The following PRR16 variants were observed in gnomAD, a reference collection of about 807,000 sequenced individuals.
The protein encoded by PRR16 is proline rich 16.
PRR16 carries 6 observed loss-of-function variants against 18.2 expected under a neutral mutation model. The ratio of observed to expected loss-of-function variants is 0.33; its 90% CI spans 0.18 to 0.65. The LOEUF is 0.65. Among genes scored for constraint, PRR16 ranks in the 30% least tolerant of loss-of-function variants. The probability of loss-of-function intolerance (pLI) is 0.74; values close to 1 mark genes in which losing one functional copy is unlikely to be tolerated. For synonymous variants in PRR16, 151 were observed against 147.8 expected, an observed-to-expected ratio of 1.02 and a Z score of -0.16; for missense variants, 412 against 376.6, an observed-to-expected ratio of 1.09 and a Z score of -0.78.
At chr5:120,761,377 T>C in the PRR16 span, among the ~76,000 whole-genome samples, 4 of 152,042 alleles carry the variant, frequency 2.6e-5, no homozygotes, top group Non-Finnish European at 5.9e-5. Flanking sequence ...CAGATAAGGA[T>C]TTGATTTTTT....
chr5:120,634,852 A>C (rs1158901839), intron 1 of PRR16, among the ~76,000 whole-genome samples: 2 of 152,166 alleles, frequency 1.3e-5, no homozygotes, highest in African/African-American at 2.4e-5. Context: ...AAAAGATAAA[A>C]TTGGTAGACC....
At chr5:120,490,364 T>C (rs1485173572) in intron 1 of PRR16, among the ~76,000 whole-genome samples, 7 of 152,306 alleles carry the variant, frequency 4.6e-5, no homozygotes, top group East Asian at 1.9e-4. Flanking sequence ...TTTATTCTTT[T>C]TTCTCTAAAG....
chr5:120,555,537 G>T (rs1386631844), intron 1 of PRR16, among the ~76,000 whole-genome samples: 1 of 151,470 alleles, frequency 6.6e-6, no homozygotes, highest in Admixed American at 6.6e-5. Flanking sequence ...GAGAGATAGA[G>T]AGAGAGAGAG....
chr5:120,504,570 C>T (rs560324393), intron 1 of PRR16, among the ~76,000 whole-genome samples: 2 of 152,180 alleles, frequency 1.3e-5, no homozygotes, highest in African/African-American at 2.4e-5. Flanking sequence ...AGCAGTGAGT[C>T]GCCCTTCACG....
chr5:120,609,154 A>G (rs1450454263), intron 1 of PRR16, among the ~76,000 whole-genome samples: 1 of 151,886 alleles, frequency 6.6e-6, no homozygotes. Flanking sequence ...TGTACAATTC[A>G]ATTGTTTTTG....
intron 1 of PRR16, among the ~76,000 whole-genome samples, chr5:120,544,517 T>C (rs1001379246): frequency 6.6e-6 from 1 of 152,160 alleles, no homozygotes; most frequent in Non-Finnish European, 1.5e-5. Flanking sequence ...TATGCATGTG[T>C]GTATATGTAC....
chr5:120,690,025 T>A (rs1008108575), downstream of PRR16, among the ~76,000 whole-genome samples: 4 of 152,162 alleles, frequency 2.6e-5, no homozygotes, highest in African/African-American at 9.6e-5. Context: ...CTTCCCTCAT[T>A]CATTGAATAA....
rs546229848 is a variant in PRR16 at position 120,497,288 on chromosome 5, G to A, written c.159+32643G>A. 2.7e-4 allele frequency among the ~76,000 whole-genome samples: 40 copies of A among 150,540 alleles called. No homozygotes were observed. The South Asian group carries it at 8.4e-3, about 32-fold the overall frequency. ...TTCTAGTTACCCCGTCAGTTTTGAG[G>A]AAGGAATGTTGAACTGTTCAACTAT... is the stretch of plus-strand genomic sequence containing the variant. On this transcript the variant is annotated intron_variant, in intron 1 of 1. Coordinates refer to ENST00000407149, the MANE Select transcript of PRR16 (RefSeq NM_001300783.2).
the PRR16 span, among the ~76,000 whole-genome samples, chr5:120,755,646 G>A: frequency 8.6e-5 from 13 of 152,042 alleles, no homozygotes; most frequent in African/African-American, 3.1e-4. Flanking sequence ...GGACCACCTA[G>A]GTTGATTTTA....
the PRR16 span, among the ~76,000 whole-genome samples, chr5:120,741,688 G>A: frequency 3.3e-5 from 5 of 151,902 alleles, no homozygotes; most frequent in Non-Finnish European, 5.9e-5. Context: ...TGCAGCCTCC[G>A]CCTCCCTGGT....
the PRR16 span, among the ~76,000 whole-genome samples, chr5:120,693,580 T>G: frequency 2.6e-5 from 4 of 152,244 alleles, no homozygotes; most frequent in Admixed American, 2.6e-4. Flanking sequence ...TCATTCTTTG[T>G]ATAGGTCAGA....
chr5:120,753,962 A>AT, the PRR16 span, among the ~76,000 whole-genome samples: 1 of 124,766 alleles, frequency 8.0e-6, no homozygotes. Flanking sequence ...TATTATATAT[A>AT]ATATATGTTA....
At chr5:120,660,066 C>T (rs1235066845) in intron 1 of PRR16, among the ~76,000 whole-genome samples, 1 of 151,714 alleles carries the variant, frequency 6.6e-6, no homozygotes. Context: ...GAGTGTAGGG[C>T]ATAGAAGAGT....
At chr5:120,776,124 G>A in the PRR16 span, among the ~76,000 whole-genome samples, 3 of 151,960 alleles carry the variant, frequency 2.0e-5, no homozygotes, top group South Asian at 4.1e-4. Flanking sequence ...GGAGTCTAGG[G>A]GCTAACTACA....
rs559042655 is a variant in PRR16 at position 120,484,463 on chromosome 5, AAT to A, written c.159+19823_159+19824del. ...TATATGTTAGATATATTTTATATCT[AAT>A]ATATGTTTATATAATTAGATATGAT... On this transcript the variant is annotated intron_variant, in intron 1 of 1. Coordinates refer to ENST00000407149, the MANE Select transcript of PRR16 (RefSeq NM_001300783.2). Among the ~76,000 whole-genome samples, 645 of 143,970 alleles carry A rather than the reference AAT, an allele frequency of 4.5e-3. 2 individuals carry two copies. The highest frequency in any genetic ancestry group is 0.016 in the African/African-American group (622 of 38,970). The allele number at this position is 143,970 out of a possible 152,430, so 94.4% of individuals were successfully genotyped here.
chr5:120,665,983 A>G (rs1465572627), intron 1 of PRR16, among the ~76,000 whole-genome samples: 9 of 152,098 alleles, frequency 5.9e-5, no homozygotes, highest in Non-Finnish European at 1.0e-4. Flanking sequence ...AGTTTTTTCC[A>G]ATTCTGTGAA....
chr5:120,466,346 A>G (rs558641269), intron 1 of PRR16, among the ~76,000 whole-genome samples: 1 of 152,202 alleles, frequency 6.6e-6, no homozygotes, highest in African/African-American at 2.4e-5. Flanking sequence ...TGTGCTTAAT[A>G]GTTGGTGAGG....
At chr5:120,768,409 AT>A in the PRR16 span, among the ~76,000 whole-genome samples, 272 of 151,360 alleles carry the variant, frequency 1.8e-3, no homozygotes, top group African/African-American at 6.3e-3. Flanking sequence ...TTAAGCAATG[AT>A]TTTTTTACCT....
chr5:120,735,663 TTTGTTG>T, the PRR16 span, among the ~76,000 whole-genome samples: 2 of 151,530 alleles, frequency 1.3e-5, no homozygotes, highest in East Asian at 1.9e-4. Flanking sequence ...TACTCATATT[TTTGTTG>T]TTGTTGTTGT....
Sources: allele counts gnomAD v4.1 joint callset (sites outside exome capture counted in the v4.1 genomes callset), GRCh38; gene constraint gnomAD v4.1.1; transcripts MANE v1.5; gene names NCBI Gene and HGNC (gene_info 2026-07-23, HGNC 2026-07-21).